Variants in NCKAP5 observed in about 807,000 individuals in gnomAD.
The protein encoded by NCKAP5 is nck-associated protein 5.
In NCKAP5, 92 loss-of-function variants were observed where a neutral mutation model predicts 167.0. The observed-to-expected ratio is 0.55, with a 90% confidence interval of 0.47 to 0.66. The LOEUF is 0.66. NCKAP5 is among the 30% of genes least tolerant of loss of function. NCKAP5 has a pLI of 0.00. For synonymous variants in NCKAP5, 891 were observed against 877.4 expected (o/e 1.02, Z -0.27); for missense variants, 2,378 against 2,315.0 (o/e 1.03, Z -0.56).
the NCKAP5 span, among the ~76,000 whole-genome samples, chr2:133,600,617 G>A: frequency 1.3e-4 from 20 of 152,326 alleles, no homozygotes; most frequent in East Asian, 1.4e-3. Context: ...AGGAGATATC[G>A]CTGGCACCCT....
intron 8 of NCKAP5, among the ~76,000 whole-genome samples, chr2:132,928,067 C>A (rs985616564): frequency 5.3e-5 from 8 of 152,136 alleles, no homozygotes; most frequent in African/African-American, 1.9e-4. Flanking sequence ...TTGTGCATGG[C>A]TTTTGAATAT....
intron 7 of NCKAP5, among the ~76,000 whole-genome samples, chr2:132,990,182 C>G (rs573131867): frequency 6.6e-6 from 1 of 152,220 alleles, no homozygotes; most frequent in East Asian, 1.9e-4. Context: ...TAAAAATAAG[C>G]CTGAGTTAGG....
intron 11 of NCKAP5, among the ~76,000 whole-genome samples, chr2:132,818,870 C>G (rs1686491844): frequency 6.6e-6 from 1 of 152,180 alleles, no homozygotes; most frequent in Non-Finnish European, 1.5e-5. Context: ...GAAAATATCT[C>G]TAAATATTGT....
At chr2:133,343,669 C>T (rs1166058857) in intron 3 of NCKAP5, among the ~76,000 whole-genome samples, 2 of 152,210 alleles carry the variant, frequency 1.3e-5, no homozygotes, top group Admixed American at 1.3e-4. Context: ...TGTCCAGATA[C>T]TGCCATAGAC....
the NCKAP5 span, among the ~76,000 whole-genome samples, chr2:133,653,316 C>T: frequency 6.6e-6 from 1 of 152,206 alleles, no homozygotes; most frequent in East Asian, 1.9e-4. Context: ...AACATATTGC[C>T]AAGTTGCTCT....
At chr2:133,469,299 G>T (rs939218174) in intron 3 of NCKAP5, among the ~76,000 whole-genome samples, 1 of 151,712 alleles carries the variant, frequency 6.6e-6, no homozygotes, top group East Asian at 1.9e-4. Flanking sequence ...TGAAATTCTG[G>T]GTTGAAAATT....
chr2:132,722,722 G>A (rs1331240406), intron 19 of NCKAP5, among the ~76,000 whole-genome samples: 1 of 152,160 alleles, frequency 6.6e-6, no homozygotes, highest in East Asian at 1.9e-4. Flanking sequence ...CAGAAGGCAA[G>A]GGCAAATCCA....
chr2:133,428,684 A>G (rs1689963653), intron 3 of NCKAP5, among the ~76,000 whole-genome samples: 2 of 152,144 alleles, frequency 1.3e-5, no homozygotes, highest in African/African-American at 2.4e-5. Context: ...AACACCCAAA[A>G]TATTTCCAAT....
intron 6 of NCKAP5, among the ~76,000 whole-genome samples, chr2:133,028,635 C>T (rs1448001613): frequency 1.3e-5 from 2 of 152,186 alleles, no homozygotes; most frequent in South Asian, 2.1e-4. Flanking sequence ...CAATTTAGTA[C>T]ATGGATCCTA....
Position 132,919,723 on chromosome 2 carries a change from A to G in NCKAP5, c.580-40807T>C, listed in dbSNP as rs547798782. On this transcript the variant is annotated intron_variant, in intron 8 of 19. Coordinates refer to ENST00000409261, the MANE Select transcript of NCKAP5 (RefSeq NM_207363.3). ...AAAGCAAAAAAAGAAAAAAATGAGA[A>G]GGAATAAAGAAAATATGATCTCTAG... Among the ~76,000 whole-genome samples, 8 of 152,262 alleles carry G rather than the reference A, an allele frequency of 5.3e-5. No individual in the cohort carries two copies. The East Asian group carries it at 1.4e-3, about 26-fold the overall frequency.
At position 133,484,557 on chromosome 2, in the gene NCKAP5, C is replaced by CCCAAAAT. The variant is rs1198868164; in HGVS notation, c.69+32894_69+32900dup. 1.4e-3 allele frequency among the ~76,000 whole-genome samples: 207 copies of CCCAAAAT among 152,246 alleles called. 1 individual carries two copies. Among genetic ancestry groups the CCCAAAAT allele is most frequent in the African/African-American group, 4.9e-3 (205 of 41,534 alleles). On this transcript the variant is annotated intron_variant, in intron 3 of 19. Coordinates refer to ENST00000409261, the MANE Select transcript of NCKAP5 (RefSeq NM_207363.3). The stretch of plus-strand genomic sequence containing the variant: ...CTAATACAAGTTAAACATCCCTAAT[C>CCCAAAAT]CCAAAATCCAAAATCCAAAATTAAA...
At chr2:132,746,818 C>G (rs1056405700) in intron 16 of NCKAP5, among the ~76,000 whole-genome samples, 129 of 152,206 alleles carry the variant, frequency 8.5e-4, no homozygotes, top group African/African-American at 3.0e-3. Context: ...ACTGATACAA[C>G]ATGGATGACC....
chr2:132,854,785 C>T (rs916545191), intron 11 of NCKAP5, among the ~76,000 whole-genome samples: 1 of 152,110 alleles, frequency 6.6e-6, no homozygotes, highest in Non-Finnish European at 1.5e-5. Flanking sequence ...TTTGGGTGCT[C>T]CCAATTTGGT....
intron 2 of NCKAP5, among the ~76,000 whole-genome samples, chr2:133,531,566 G>C (rs544183991): frequency 1.3e-5 from 2 of 151,936 alleles, no homozygotes; most frequent in Non-Finnish European, 2.9e-5. Flanking sequence ...TTTCCTGTCC[G>C]ATACTTACAA....
At chr2:133,595,713 T>G in the NCKAP5 span, among the ~76,000 whole-genome samples, 1 of 152,090 alleles carries the variant, frequency 6.6e-6, no homozygotes, top group Non-Finnish European at 1.5e-5. Flanking sequence ...ATGGTAAATA[T>G]TTCAGGCTTT....
At chr2:132,751,421 G>A (rs965022472) in intron 16 of NCKAP5, among the ~76,000 whole-genome samples, 1 of 152,004 alleles carries the variant, frequency 6.6e-6, no homozygotes, top group Non-Finnish European at 1.5e-5. Context: ...TGTTTTCTTC[G>A]ATAAATTACC....
At chr2:132,861,864 T>C (rs1689940838) in intron 10 of NCKAP5, among the ~76,000 whole-genome samples, 1 of 152,226 alleles carries the variant, frequency 6.6e-6, no homozygotes, top group Non-Finnish European at 1.5e-5. Context: ...CTCAAGAAGA[T>C]ACTGAAATAA....
intron 3 of NCKAP5, among the ~76,000 whole-genome samples, chr2:133,406,590 A>AAGGAAGGGAGGG (rs1688447731): frequency 7.3e-6 from 1 of 136,602 alleles, no homozygotes; most frequent in African/African-American, 2.7e-5. Flanking sequence ...GGAAGGAAGG[A>AAGGAAGGGAGGG]AGGGAGGGAG....
rs1558943158 is a variant in NCKAP5 at position 132,920,767 on chromosome 2, G to GTGTATATATA, written c.580-41852_580-41851insTATATATACA. Among the ~76,000 whole-genome samples, 56 of 31,252 alleles carry GTGTATATATA rather than the reference G, an allele frequency of 1.8e-3. 2 individuals are homozygous for GTGTATATATA. The highest frequency in any genetic ancestry group is 5.7e-3 in the African/African-American group (48 of 8,430). 20.5% of individuals were successfully genotyped at this position (31,252 alleles called of 152,430 possible). A position where few individuals can be genotyped will look rare whatever the true frequency, so the allele number is the denominator to read the frequency against. On this transcript the variant is annotated intron_variant, in intron 8 of 19. Transcript: ENST00000409261. ...TGTGTATATATATATGTATATATAT[G>GTGTATATATA]TATGTATATATATATATATATATAT... is the stretch of plus-strand genomic sequence containing the variant.
Sources: gnomAD v4.1 joint callset for allele counts (sites outside exome capture counted in the v4.1 genomes callset) on GRCh38, gnomAD v4.1.1 for gene constraint, MANE v1.5 for transcripts, NCBI Gene and HGNC (gene_info 2026-07-23, HGNC 2026-07-21) for gene names.